The following ZNF708 variants were observed in gnomAD, a reference collection of about 807,000 sequenced individuals.
ZNF708 encodes zinc finger protein 708.
ZNF708 carries 44 observed loss-of-function variants against 47.0 expected under a neutral mutation model. That is an observed-to-expected ratio of 0.94 (90% CI 0.74 to 1.20). The LOEUF (loss-of-function observed/expected upper bound fraction) is 1.20. Among genes scored for constraint, ZNF708 ranks in the 50% most tolerant of loss-of-function variants. The pLI is 0.00. For synonymous variants in ZNF708, 184 were observed against 218.5 expected (o/e 0.84, Z 1.39); for missense variants, 557 against 656.0 (o/e 0.85, Z 1.65).
intron 1 of ZNF708, among the ~76,000 whole-genome samples, chr19:21,321,208 T>A (rs1220656461): frequency 6.6e-6 from 1 of 151,868 alleles, no homozygotes; most frequent in African/African-American, 2.4e-5. Context: ...ATGTTCTCAT[T>A]TATAAGTAAG....
intron 3 of ZNF708, among the ~76,000 whole-genome samples, chr19:21,297,814 G>A (rs940091928): frequency 6.6e-6 from 1 of 151,942 alleles, no homozygotes; most frequent in Admixed American, 6.6e-5. Flanking sequence ...CCAAATGAGA[G>A]AAGAAGAGGT....
chr19:21,294,733 C>T lies in ZNF708; in HGVS notation c.233G>A (p.Cys78Tyr). ...CCTAAGGTCTTTGGCAAAATGAGAA[C>T]ACATAGCTGAAAGAAATAAAAATAA... ...HEMAAKPPAM[C>Y]SHFAKDLRPE... The change falls in exon 4 of 4, where the codon TGT (cysteine) becomes TAT (tyrosine). Residue 78 changes from cysteine to tyrosine, a missense_variant. Physicochemically the swap from Cys to Tyr is radical, Grantham distance 194. Coordinates refer to ENST00000356929, the MANE Select transcript of ZNF708 (RefSeq NM_021269.3). The T allele has an allele frequency of 6.4e-7, 1 of 1,571,898 alleles. No homozygotes were observed. Among genetic ancestry groups the T allele is most frequent in the South Asian group, 1.2e-5 (1 of 84,128 alleles).
chr19:21,301,305 G>T (rs999825572), intron 3 of ZNF708, among the ~76,000 whole-genome samples: 5 of 151,300 alleles, frequency 3.3e-5, no homozygotes, highest in African/African-American at 1.2e-4. Context: ...AGTGAATCCC[G>T]ATCTCTACTA....
intron 3 of ZNF708, among the ~76,000 whole-genome samples, chr19:21,295,655 G>A (rs866739858): frequency 3.9e-5 from 6 of 152,126 alleles, no homozygotes; most frequent in Non-Finnish European, 8.8e-5. Context: ...TGAGGCAGGA[G>A]AATCGCTTGA....
chr19:21,303,491 T>G (rs1402638754), intron 3 of ZNF708, among the ~76,000 whole-genome samples: 9 of 151,718 alleles, frequency 5.9e-5, no homozygotes, highest in African/African-American at 2.2e-4. Flanking sequence ...GAGGTGGAGG[T>G]TGCAGTGAGG....
chr19:21,291,656 GGAGTTCAA>G lies in ZNF708; in HGVS notation c.*1610_*1617del, dbSNP rs1355639522. On this transcript the variant is annotated 3_prime_UTR_variant, in exon 4 of 4. Transcript: ENST00000356929. ...CCAAGCTGGGCAGAGCATGAGGTCA[GGAGTTCAA>G]GACTACCCTGACCAATATGGTGAAA... is the stretch of plus-strand genomic sequence containing the variant. 1 of 152,088 alleles carries G rather than the reference GGAGTTCAA, an allele frequency of 6.6e-6. No individual in the cohort carries two copies. Among genetic ancestry groups the G allele is most frequent in the African/African-American group, 2.4e-5 (1 of 41,434 alleles). The allele number at this position is 152,088 out of a possible 1,614,324, so 9.4% of individuals were successfully genotyped here. A position where few individuals can be genotyped will look rare whatever the true frequency, so the allele number is the denominator to read the frequency against.
Position 21,329,405 on chromosome 19 carries a change from C to G in ZNF708, c.-193G>C. 1 of 741,620 alleles carries G rather than the reference C, an allele frequency of 1.3e-6. No individual in the cohort carries two copies. The allele number at this position is 741,620 out of a possible 1,614,324, so 45.9% of individuals were successfully genotyped here. A position where few individuals can be genotyped will look rare whatever the true frequency, so the allele number is the denominator to read the frequency against. On this transcript the variant is annotated 5_prime_UTR_variant, in exon 1 of 4. Coordinates refer to ENST00000356929, the MANE Select transcript of ZNF708 (RefSeq NM_021269.3). ...CGCCCTGTCCGGTCCAGCTGCGTGT[C>G]TGAGTGAACTGTCCCCAGCTCAGAG...
chr19:21,303,863 C>T (rs1056130791), intron 3 of ZNF708, among the ~76,000 whole-genome samples: 1 of 151,948 alleles, frequency 6.6e-6, no homozygotes, highest in Admixed American at 6.5e-5. Context: ...GAATCTATAA[C>T]TATTATATCT....
At chr19:21,322,129 C>G (rs1432859277) in intron 1 of ZNF708, among the ~76,000 whole-genome samples, 1 of 151,930 alleles carries the variant, frequency 6.6e-6, no homozygotes, top group African/African-American at 2.4e-5. Context: ...CAAGAAACAC[C>G]AGGATCAAAA....
chr19:21,299,657 C>T (rs1282414593), intron 3 of ZNF708, among the ~76,000 whole-genome samples: 1 of 151,312 alleles, frequency 6.6e-6, no homozygotes, highest in African/African-American at 2.4e-5. Flanking sequence ...CCTGTAATCC[C>T]AGCTACTCAG....
At chr19:21,303,746 T>C (rs989486601) in intron 3 of ZNF708, among the ~76,000 whole-genome samples, 3 of 151,802 alleles carry the variant, frequency 2.0e-5, no homozygotes, top group Non-Finnish European at 4.4e-5. Context: ...GTAACCACAA[T>C]TGGGTAAGGT....
intron 2 of ZNF708, 48 bp downstream of exon 2, chr19:21,310,453 A>AT (rs1555722056): frequency 3.1e-6 from 3 of 959,030 alleles, no homozygotes; most frequent in Non-Finnish European, 2.7e-6. Context: ...TCAAAAAAAA[A>AT]AATAATAATA....
chr19:21,303,866 T>C (rs1011836213), intron 3 of ZNF708, among the ~76,000 whole-genome samples: 4 of 151,966 alleles, frequency 2.6e-5, no homozygotes, highest in African/African-American at 4.8e-5. Flanking sequence ...TCTATAACTA[T>C]TATATCTCTC....
At position 21,294,047 on chromosome 19, in the gene ZNF708, G is replaced by T; in HGVS notation, c.919C>A (p.Pro307Thr). Residue 307 changes from proline to threonine, a missense_variant, in exon 4 of 4, where the codon CCC (proline) becomes ACC (threonine). By Grantham distance (38) the Pro-to-Thr change is conservative. Transcript: ENST00000356929. ...NHKKIHTGEKPYKCGECGKAF... is the reference protein window; with the variant it reads ...NHKKIHTGEKTYKCGECGKAF... ...TTGCCACATTCTCCACATTTGTAGGGTTTCTCTCCAGTATGAATTTTCTTG... is the reference window on the plus strand; with the variant it reads ...TTGCCACATTCTCCACATTTGTAGGTTTTCTCTCCAGTATGAATTTTCTTG... 13 of 1,613,662 alleles carry T rather than the reference G, an allele frequency of 8.1e-6. No individual in the cohort carries two copies. The highest frequency in any genetic ancestry group is 1.1e-5 in the Non-Finnish European group (13 of 1,179,848).
At chr19:21,313,165 G>A (rs1013709156) in intron 1 of ZNF708, among the ~76,000 whole-genome samples, 1 of 151,042 alleles carries the variant, frequency 6.6e-6, no homozygotes, top group Non-Finnish European at 1.5e-5. Context: ...GCATGTGCCT[G>A]TAATCCCAGC....
intron 1 of ZNF708, chr19:21,318,851 C>G (rs1205593482): frequency 6.6e-6 from 1 of 152,074 alleles, no homozygotes; most frequent in Non-Finnish European, 1.5e-5. Context: ...GGCAGCATTC[C>G]AATTTAGTAA....
chr19:21,301,266 C>A (rs780711756), intron 3 of ZNF708, among the ~76,000 whole-genome samples: 1 of 151,850 alleles, frequency 6.6e-6, no homozygotes, highest in Non-Finnish European at 1.5e-5. Context: ...CACTTGAGGT[C>A]ATGAGTTCAA....
intron 3 of ZNF708, among the ~76,000 whole-genome samples, chr19:21,297,189 C>G (rs1972541957): frequency 1.5e-5 from 2 of 130,652 alleles, no homozygotes; most frequent in South Asian, 5.0e-4. Context: ...TTAGCAACAT[C>G]AGTAACAAAG....
chr19:21,300,211 C>CAAAAAAA (rs370885126), intron 3 of ZNF708, among the ~76,000 whole-genome samples: 1 of 103,748 alleles, frequency 9.6e-6, no homozygotes, highest in Admixed American at 1.0e-4. Flanking sequence ...GACTCCGTCT[C>CAAAAAAA]AAAAAAAAAA....
Sources: gnomAD v4.1 joint callset for allele counts (sites outside exome capture counted in the v4.1 genomes callset) on GRCh38, gnomAD v4.1.1 for gene constraint, MANE v1.5 for transcripts, NCBI Gene and HGNC (gene_info 2026-07-23, HGNC 2026-07-21) for gene names.